NEDD9: variants seen among roughly 807,000 people sequenced by gnomAD.
The protein encoded by NEDD9 is neural precursor cell expressed, developmentally down-regulated 9, also known as enhancer of filamentation 1.
A neutral mutation model predicts 76.6 loss-of-function variants in NEDD9; 26 were observed. The ratio of observed to expected loss-of-function variants is 0.34; its 90% CI spans 0.25 to 0.47. The LOEUF is 0.47. Ranked by LOEUF, NEDD9 falls within the 20% of genes least tolerant of loss-of-function variation. The pLI is 1.00. For missense variants in NEDD9, 937 were observed against 1,058.5 expected, an observed-to-expected ratio of 0.89 and a Z score of 1.59; for synonymous variants, 392 against 414.2, an observed-to-expected ratio of 0.95 and a Z score of 0.65.
chr6:11,315,112 G>A (rs746890487), intron 2 of NEDD9, among the ~76,000 whole-genome samples: 1 of 152,182 alleles, frequency 6.6e-6, no homozygotes, highest in Non-Finnish European at 1.5e-5. Flanking sequence ...TACTTCCTGG[G>A]CTGCTAACAG....
chr6:11,366,311 G>GGAAGGAAGGAA (rs1561849023), intron 1 of NEDD9, among the ~76,000 whole-genome samples: 1 of 143,496 alleles, frequency 7.0e-6, no homozygotes, highest in African/African-American at 2.7e-5. Flanking sequence ...AAGAAAGAAA[G>GGAAGGAAGGAA]AGAAAGAAAG....
At chr6:11,261,151 CCGTGATGATT>C (rs1191232685) in intron 3 of NEDD9, among the ~76,000 whole-genome samples, 1 of 152,100 alleles carries the variant, frequency 6.6e-6, no homozygotes, top group Non-Finnish European at 1.5e-5. Flanking sequence ...AGTACCAGAG[CCGTGATGATT>C]GGTAATAATA....
At chr6:11,232,387 T>C (rs956782849) in intron 1 of NEDD9, 117 bp downstream of exon 1, 1 of 1,314,834 alleles carries the variant, frequency 7.6e-7, no homozygotes, top group Non-Finnish European at 1.1e-6. Flanking sequence ...CCGAGACTCA[T>C]CTTAGAACTC....
upstream of NEDD9, among the ~76,000 whole-genome samples, chr6:11,236,077 A>G (rs1759593056): frequency 6.6e-6 from 1 of 152,200 alleles, no homozygotes. This position sits in a 1 kb window ranked among gnomAD's most constrained non-coding sequence, Gnocchi z 5.5. Context: ...TCTTCAGGGA[A>G]ACACAAATTG....
At chr6:11,199,768 C>T (rs968306409) in intron 2 of NEDD9, 11 of 148,710 alleles carry the variant, frequency 7.4e-5, no homozygotes, top group African/African-American at 2.7e-4. Context: ...TCACGCCATT[C>T]TCCTGCCTCA....
chr6:11,256,282 G>A (rs1191760854), intron 3 of NEDD9, among the ~76,000 whole-genome samples: 1 of 152,172 alleles, frequency 6.6e-6, no homozygotes, highest in African/African-American at 2.4e-5. Context: ...AATCTTCCCG[G>A]CGAGACCTTC....
intron 3 of NEDD9, among the ~76,000 whole-genome samples, chr6:11,276,499 G>A (rs1027953610): frequency 3.3e-5 from 5 of 152,172 alleles, no homozygotes; most frequent in Admixed American, 2.6e-4. Flanking sequence ...GGAATTCCTA[G>A]GGCCTAGAAC....
intron 1 of NEDD9, among the ~76,000 whole-genome samples, chr6:11,374,884 C>T (rs1762946467): frequency 6.6e-6 from 1 of 152,218 alleles, no homozygotes; most frequent in Admixed American, 6.5e-5. Context: ...CACAAATTGT[C>T]TGTCCAGGAA....
chr6:11,254,437 T>C lies in NEDD9; in HGVS notation c.13-40710A>G, dbSNP rs534702025. Among the ~76,000 whole-genome samples the C allele has an allele frequency of 8.5e-5, 13 of 152,348 alleles. 1 individual carries two copies. The highest frequency in any genetic ancestry group is 3.4e-3 in the Middle Eastern group (1 of 294). ...TTTTTCTGAAGCTGAAGCTTAAATA[T>C]AACTGGGAGCCCTGTATTTTTAAAA... is the stretch of plus-strand genomic sequence containing the variant. On this transcript the variant is annotated intron_variant, in intron 3 of 3. Coordinates refer to the NEDD9 transcript ENST00000397378.
At chr6:11,297,901 T>C (rs1689380860) in intron 3 of NEDD9, among the ~76,000 whole-genome samples, 1 of 135,128 alleles carries the variant, frequency 7.4e-6, no homozygotes, top group African/African-American at 3.0e-5. Context: ...TCCGTATTTT[T>C]TTTTCTTTTC....
intron 1 of NEDD9, among the ~76,000 whole-genome samples, chr6:11,364,281 C>A (rs564138015): frequency 5.3e-5 from 8 of 152,236 alleles, no homozygotes; most frequent in African/African-American, 1.7e-4. Flanking sequence ...TGTGACTCCC[C>A]TAGGAGAGGA....
intron 2 of NEDD9, among the ~76,000 whole-genome samples, chr6:11,319,551 A>C (rs1761703758): frequency 8.1e-6 from 1 of 123,656 alleles, no homozygotes; most frequent in African/African-American, 3.2e-5. Context: ...GACACACACT[A>C]ACATGCGGAC....
rs1354033449 is a variant in NEDD9 at position 11,232,588 on chromosome 6, C to T, written c.-73G>A. The T allele has an allele frequency of 6.2e-7, 1 of 1,612,916 alleles. No homozygotes were observed. Among genetic ancestry groups the T allele is most frequent in the Non-Finnish European group, 8.5e-7 (1 of 1,179,686 alleles). ...ATTAAGCACTGCGGTGCCCGCCCCT[C>T]CATTGAGTGCAGCGCTAGATGAAAG... is the stretch of plus-strand genomic sequence containing the variant. On this transcript the variant is annotated 5_prime_UTR_variant, in exon 1 of 7. Transcript: ENST00000379446.
At chr6:11,214,524 CT>C (rs1310208252) in intron 1 of NEDD9, among the ~76,000 whole-genome samples, 4 of 152,226 alleles carry the variant, frequency 2.6e-5, no homozygotes, top group African/African-American at 7.2e-5. Flanking sequence ...GTGCCTTCCC[CT>C]TTCATGGGCC....
At chr6:11,291,164 C>T (rs541927517) in intron 3 of NEDD9, among the ~76,000 whole-genome samples, 3 of 152,068 alleles carry the variant, frequency 2.0e-5, no homozygotes, top group African/African-American at 7.2e-5. Flanking sequence ...GATTTCCTTG[C>T]TACTGCGGTT....
chr6:11,288,961 G>A (rs1475052103), intron 3 of NEDD9, among the ~76,000 whole-genome samples: 1 of 152,174 alleles, frequency 6.6e-6, no homozygotes, highest in Non-Finnish European at 1.5e-5. Context: ...TTGAATGTAT[G>A]CATTTTGCTA....
chr6:11,254,807 C>G (rs747793561), intron 3 of NEDD9, among the ~76,000 whole-genome samples: 9 of 152,230 alleles, frequency 5.9e-5, no homozygotes, highest in Non-Finnish European at 1.2e-4. Context: ...ATTCTACATC[C>G]TCTCTTAGAA....
intron 2 of NEDD9, among the ~76,000 whole-genome samples, chr6:11,210,210 C>T (rs1758738482): frequency 6.6e-6 from 1 of 152,072 alleles, no homozygotes; most frequent in Non-Finnish European, 1.5e-5. Context: ...ATTCCTGGGC[C>T]CCCAACCAGA....
chr6:11,361,149 G>A (rs192932311), intron 1 of NEDD9, among the ~76,000 whole-genome samples: 15 of 152,290 alleles, frequency 9.8e-5, no homozygotes, highest in Admixed American at 2.6e-4. Flanking sequence ...AAGGCTAAAG[G>A]TGCTAAAGGA....
Sources: gnomAD v4.1 joint callset for allele counts (sites outside exome capture counted in the v4.1 genomes callset) on GRCh38, gnomAD v4.1.1 for gene constraint, Gnocchi (gnomAD v3.1) non-coding constraint, MANE v1.5 for transcripts, NCBI Gene and HGNC (gene_info 2026-07-23, HGNC 2026-07-21) for gene names.